The following PDE4D variants were observed in gnomAD, a reference collection of about 807,000 sequenced individuals.
The protein encoded by PDE4D is phosphodiesterase 4D.
Under a neutral mutation model 87.4 loss-of-function variants are expected in PDE4D, and 24 were observed. That is an observed-to-expected ratio of 0.27 (90% CI 0.20 to 0.39). The LOEUF (loss-of-function observed/expected upper bound fraction) is 0.39, where lower values mean the gene tolerates loss of function less well. Among genes scored for constraint, PDE4D ranks in the 10% least tolerant of loss-of-function variants. The pLI is 1.00. For synonymous variants in PDE4D, 384 were observed against 383.2 expected (o/e 1.00, Z -0.02); for missense variants, 714 against 1,041.0 (o/e 0.69, Z 4.32).
intron 5 of PDE4D, among the ~76,000 whole-genome samples, chr5:59,085,470 C>T (rs1201871630): frequency 1.3e-5 from 2 of 152,074 alleles, no homozygotes; most frequent in African/African-American, 4.8e-5. Flanking sequence ...ATGCTATAGC[C>T]ACTCAATAAA....
intron 1 of PDE4D, among the ~76,000 whole-genome samples, chr5:59,623,593 C>G (rs1830571941): frequency 6.6e-6 from 1 of 152,154 alleles, no homozygotes; most frequent in Non-Finnish European, 1.5e-5. Flanking sequence ...CCTAGCTCAC[C>G]CTGATCTTGG....
intron 1 of PDE4D, among the ~76,000 whole-genome samples, chr5:60,370,528 A>G (rs1167427445): frequency 6.6e-6 from 1 of 152,210 alleles, no homozygotes; most frequent in Non-Finnish European, 1.5e-5. Flanking sequence ...GAAGGAAGTA[A>G]TAAGAAGAAA....
chr5:59,555,650 T>C (rs1295642429), intron 1 of PDE4D, among the ~76,000 whole-genome samples: 1 of 152,154 alleles, frequency 6.6e-6, no homozygotes. Flanking sequence ...CTCCAACTTG[T>C]TGGAAAGCTA....
intron 1 of PDE4D, among the ~76,000 whole-genome samples, chr5:60,495,519 C>T (rs1299900624): frequency 6.6e-6 from 1 of 152,178 alleles, no homozygotes; most frequent in Non-Finnish European, 1.5e-5. Context: ...CCTTAAGAAT[C>T]ATTGAGATAG....
intron 2 of PDE4D, among the ~76,000 whole-genome samples, chr5:60,154,615 G>C (rs575246242): frequency 6.2e-4 from 94 of 152,226 alleles, no homozygotes; most frequent in Non-Finnish European, 4.7e-4. Context: ...TACAAAAATT[G>C]CACGTAAGTG....
intron 3 of PDE4D, among the ~76,000 whole-genome samples, chr5:59,964,349 G>C (rs1331458614): frequency 6.6e-6 from 1 of 152,116 alleles, no homozygotes; most frequent in Non-Finnish European, 1.5e-5. Flanking sequence ...GCTTCAGCTG[G>C]ACTAATCTAA....
intron 1 of PDE4D, among the ~76,000 whole-genome samples, chr5:59,588,374 G>A (rs1054478272): frequency 6.6e-6 from 1 of 152,150 alleles, no homozygotes; most frequent in Non-Finnish European, 1.5e-5. Flanking sequence ...AATGGTATTT[G>A]TTTGAAATCA....
chr5:60,495,178 T>C (rs754302985), intron 1 of PDE4D, among the ~76,000 whole-genome samples: 1 of 152,220 alleles, frequency 6.6e-6, no homozygotes, highest in African/African-American at 2.4e-5. Flanking sequence ...CACCAGCAAC[T>C]AAAAGAGACA....
At chr5:59,354,105 ATCCAT>A (rs1292376808) in intron 1 of PDE4D, among the ~76,000 whole-genome samples, 5 of 152,154 alleles carry the variant, frequency 3.3e-5, no homozygotes, top group African/African-American at 1.2e-4. Flanking sequence ...ATGCATTATT[ATCCAT>A]TCAATAGCCA....
intron 5 of PDE4D, among the ~76,000 whole-genome samples, chr5:59,047,085 T>C (rs1367552775): frequency 6.6e-6 from 1 of 152,226 alleles, no homozygotes; most frequent in African/African-American, 2.4e-5. Flanking sequence ...TAATCTTGCA[T>C]TGATTGCCTA....
chr5:60,011,147 A>G (rs1323947828), intron 2 of PDE4D, among the ~76,000 whole-genome samples: 2 of 152,184 alleles, frequency 1.3e-5, no homozygotes, highest in African/African-American at 4.8e-5. Flanking sequence ...AGTTCCAGCA[A>G]TCACTTCAGA....
intron 3 of PDE4D, among the ~76,000 whole-genome samples, chr5:59,975,577 C>T (rs1015347177): frequency 6.6e-6 from 1 of 152,138 alleles, no homozygotes; most frequent in African/African-American, 2.4e-5. Flanking sequence ...AAATCCCTTG[C>T]CCTATTTTTC....
intron 1 of PDE4D, among the ~76,000 whole-genome samples, chr5:59,413,458 A>C (rs1037057475): frequency 1.8e-5 from 1 of 54,100 alleles, no homozygotes; most frequent in African/African-American, 8.5e-5. Flanking sequence ...ACTCCATCTC[A>C]AAAAAAAAAA....
chr5:59,342,285 C>T (rs930652814), intron 1 of PDE4D, among the ~76,000 whole-genome samples: 3 of 152,112 alleles, frequency 2.0e-5, no homozygotes, highest in Non-Finnish European at 4.4e-5. Context: ...CAAGACAAAT[C>T]CATGAAAAAA....
chr5:59,201,887 C>G (rs1363114984), intron 2 of PDE4D, among the ~76,000 whole-genome samples: 1 of 152,034 alleles, frequency 6.6e-6, no homozygotes, highest in Non-Finnish European at 1.5e-5. Flanking sequence ...TACTGAGAAT[C>G]AAAGAAAATG....
chr5:60,106,810 C>T lies in PDE4D; in HGVS notation c.42+78747G>A, dbSNP rs935745669. 1.1e-3 allele frequency among the ~76,000 whole-genome samples: 162 copies of T among 151,920 alleles called. 1 individual carries two copies. Among genetic ancestry groups the T allele is most frequent in the Middle Eastern group, 3.4e-3 (1 of 294 alleles). ...AAATAAAGATATTCTTTGAAACCAA[C>T]GAGAACAAAGACACAACATACCAGA... On this transcript the variant is annotated intron_variant, in intron 2 of 16. Transcript: ENST00000502484.
At chr5:59,881,609 T>C (rs1488806940) in intron 1 of PDE4D, among the ~76,000 whole-genome samples, 1 of 152,226 alleles carries the variant, frequency 6.6e-6, no homozygotes, top group Non-Finnish European at 1.5e-5. Context: ...TTTAACAGTA[T>C]ATTCCTAACT....
At chr5:59,519,783 G>A (rs1327485381) in intron 1 of PDE4D, among the ~76,000 whole-genome samples, 1 of 152,200 alleles carries the variant, frequency 6.6e-6, no homozygotes, top group Admixed American at 6.5e-5. Flanking sequence ...GCACCAGTCG[G>A]AAAACTGGTT....
intron 6 of PDE4D, among the ~76,000 whole-genome samples, chr5:59,024,538 G>A (rs1755856376): frequency 6.6e-6 from 1 of 152,028 alleles, no homozygotes; most frequent in African/African-American, 2.4e-5. Context: ...CCCTTCTGTA[G>A]GGACTGATGA....
Sources: allele counts gnomAD v4.1 joint callset (sites outside exome capture counted in the v4.1 genomes callset), GRCh38; gene constraint gnomAD v4.1.1; transcripts MANE v1.5; gene names NCBI Gene and HGNC (gene_info 2026-07-23, HGNC 2026-07-21).